PROM1: variants seen among roughly 807,000 people sequenced by gnomAD.
PROM1 encodes the protein prominin 1.
PROM1 carries 105 observed loss-of-function variants against 116.9 expected under a neutral mutation model. That is an observed-to-expected ratio of 0.90 (90% CI 0.77 to 1.06). PROM1 has a LOEUF of 1.06. Ranked by LOEUF, PROM1 falls within the 50% of genes least tolerant of loss-of-function variation. The pLI is 0.00. For synonymous variants in PROM1, 393 were observed against 387.0 expected, an observed-to-expected ratio of 1.02 and a Z score of -0.18; for missense variants, 1,122 against 1,045.2, an observed-to-expected ratio of 1.07 and a Z score of -1.01.
Position 16,056,651 on chromosome 4 carries a change from GA to G in PROM1, c.221-17651del, listed in dbSNP as rs572825806. On this transcript the variant is annotated intron_variant, in intron 2 of 27. Coordinates refer to ENST00000447510, the MANE Select transcript of PROM1 (RefSeq NM_006017.3). Reference sequence around the variant, plus strand: ...CAAAGGCTGGAAAGAAACAAGCCATGAAAAAAAAAAAATCGAAAGAAGAAAA... The same window carrying G: ...CAAAGGCTGGAAAGAAACAAGCCATGAAAAAAAAAAATCGAAAGAAGAAAA... 1.7e-3 allele frequency among the ~76,000 whole-genome samples: 240 copies of G among 140,054 alleles called. 1 individual carries two copies. The South Asian group carries it at 0.02, about 12-fold the overall frequency. The allele number at this position is 140,054 out of a possible 152,430, so 91.9% of individuals were successfully genotyped here.
intron 2 of PROM1, among the ~76,000 whole-genome samples, chr4:16,052,816 T>A (rs1738201251): frequency 6.6e-6 from 1 of 152,172 alleles, no homozygotes; most frequent in Non-Finnish European, 1.5e-5. Context: ...AACCTATGAA[T>A]GCTAAAAGCC....
intron 12 of PROM1, 33 bp downstream of exon 12, chr4:16,008,916 C>G (rs905336269): frequency 6.5e-7 from 1 of 1,530,282 alleles, no homozygotes; most frequent in Non-Finnish European, 9.0e-7. Context: ...AAAGTTCACT[C>G]TCGTAGTTCA....
chr4:15,997,800 A>G (rs1014934327), intron 15 of PROM1, among the ~76,000 whole-genome samples: 3 of 152,206 alleles, frequency 2.0e-5, no homozygotes, highest in Non-Finnish European at 4.4e-5. Context: ...ATTGTTTATC[A>G]AGTCCAAATG....
intron 2 of PROM1, among the ~76,000 whole-genome samples, chr4:16,060,671 C>T (rs551124439): frequency 2.6e-5 from 4 of 152,218 alleles, no homozygotes; most frequent in South Asian, 2.1e-4. Context: ...ATCTACCAAA[C>T]GAATGAATGA....
At chr4:16,036,889 G>C (rs1734057514) in intron 3 of PROM1, among the ~76,000 whole-genome samples, 1 of 152,206 alleles carries the variant, frequency 6.6e-6, no homozygotes, top group Admixed American at 6.5e-5. Flanking sequence ...TCCACATCTA[G>C]AGTAGGAATC....
intron 2 of PROM1, among the ~76,000 whole-genome samples, chr4:16,043,034 T>C (rs941784919): frequency 6.6e-6 from 1 of 152,272 alleles, no homozygotes; most frequent in African/African-American, 2.4e-5. Context: ...GGGTTTATTA[T>C]CGTTCTTTTT....
chr4:16,053,091 A>T (rs1350164860), intron 2 of PROM1, among the ~76,000 whole-genome samples: 2 of 152,232 alleles, frequency 1.3e-5, no homozygotes, highest in Non-Finnish European at 2.9e-5. Flanking sequence ...ACAATGCGAA[A>T]TGTCCTGCAT....
intron 2 of PROM1, among the ~76,000 whole-genome samples, chr4:16,057,198 C>T (rs949296470): frequency 3.3e-5 from 5 of 152,196 alleles, no homozygotes; most frequent in Admixed American, 1.3e-4. Context: ...AGATCTGGCA[C>T]ATAAAACTCA....
At chr4:16,006,968 C>T (rs865871038) in intron 12 of PROM1, among the ~76,000 whole-genome samples, 7 of 152,244 alleles carry the variant, frequency 4.6e-5, no homozygotes, top group African/African-American at 7.2e-5. Context: ...TTGATTCCCA[C>T]GGGTGTCACA....
Position 16,083,971 on chromosome 4 carries a change from TACTC to T in PROM1, c.-213+3_-213+6del, listed in dbSNP as rs1745524990. The T allele has an allele frequency of 1.3e-5, 2 of 152,246 alleles. No homozygotes were observed. Among genetic ancestry groups the T allele is most frequent in the African/African-American group, 2.4e-5 (1 of 41,444 alleles). The allele number at this position is 152,246 out of a possible 1,614,324, so 9.4% of individuals were successfully genotyped here. A position where few individuals can be genotyped will look rare whatever the true frequency, so the allele number is the denominator to read the frequency against. Reference sequence around the variant, plus strand: ...CGTAATGGAAAGGATTCCTTAAACATACTCACCGCGGCGGGAGAGCTGAGAGCAT... The same window carrying T: ...CGTAATGGAAAGGATTCCTTAAACATACCGCGGCGGGAGAGCTGAGAGCAT... On this transcript the variant is annotated splice_donor_5th_base_variant and intron_variant, in intron 1 of 27. Transcript: ENST00000447510.
In PROM1 at chr4:16,056,281, C is replaced by T. The variant is rs1197598775; in HGVS notation, c.221-17280G>A. Among the ~76,000 whole-genome samples the T allele has an allele frequency of 2.6e-5, 4 of 152,072 alleles. No homozygotes were observed. The East Asian group carries it at 7.7e-4, about 29-fold the overall frequency. On this transcript the variant is annotated intron_variant, in intron 2 of 27. Transcript: ENST00000447510. ...ATTTAGGATTCCACCAAACAACAAC[C>T]ATGGTGGCAGAGGAGGGCAAGAGGA...
At chr4:15,995,471 C>T (rs916636759) in intron 15 of PROM1, among the ~76,000 whole-genome samples, 5 of 152,104 alleles carry the variant, frequency 3.3e-5, no homozygotes, top group East Asian at 1.9e-4. Context: ...ACAAAGCCTA[C>T]GAGTAACATT....
At chr4:16,053,128 A>C (rs957440651) in intron 2 of PROM1, among the ~76,000 whole-genome samples, 1 of 152,256 alleles carries the variant, frequency 6.6e-6, no homozygotes, top group African/African-American at 2.4e-5. Flanking sequence ...GTTATGTAAG[A>C]AAATGACCTG....
At chr4:16,019,758 G>A (rs926146509) in intron 8 of PROM1, among the ~76,000 whole-genome samples, 2 of 152,128 alleles carry the variant, frequency 1.3e-5, no homozygotes, top group African/African-American at 4.8e-5. Context: ...AACAGATGGT[G>A]GAGGATCAAG....
chr4:16,079,733 A>G (rs1744648822), intron 1 of PROM1, among the ~76,000 whole-genome samples: 1 of 152,158 alleles, frequency 6.6e-6, no homozygotes, highest in Admixed American at 6.6e-5. Flanking sequence ...ACAAAGTTTG[A>G]GAACAGTTCT....
chr4:16,066,721 T>C (rs1741622641), intron 2 of PROM1, among the ~76,000 whole-genome samples: 1 of 152,230 alleles, frequency 6.6e-6, no homozygotes, highest in Non-Finnish European at 1.5e-5. Context: ...ACAAATGCTA[T>C]TTAATACCAT....
chr4:15,971,390 A>G (rs2148974294), intron 26 of PROM1: 1 of 294,794 alleles, frequency 3.4e-6, no homozygotes, highest in South Asian at 7.0e-5. Flanking sequence ...AAGACATTAG[A>G]CCAGCAGCAA....
chr4:15,993,998 T>A lies in PROM1; in HGVS notation c.1756A>T (p.Asn586Tyr), dbSNP rs763905812. 9.9e-6 allele frequency: 16 copies of A among 1,613,684 alleles called. No homozygotes were observed. The South Asian group carries it at 1.8e-4, about 18-fold the overall frequency. The change falls in exon 16 of 28, where the codon AAC (asparagine) becomes TAC (tyrosine). Residue 586 changes from asparagine to tyrosine, a missense_variant. Physicochemically the swap from Asn to Tyr is moderately radical, Grantham distance 143 (BLOSUM62 -2). Coordinates refer to ENST00000447510, the MANE Select transcript of PROM1 (RefSeq NM_006017.3). ...CGAGTTCTAATTACCTCATTAATGT[T>A]GAGATGTTCACTGATATTGAAGCTG... ...QNSFNISEHL[N>Y]INEHTGSISS...
chr4:16,082,806 C>A (rs897721327), intron 1 of PROM1, among the ~76,000 whole-genome samples: 5 of 152,114 alleles, frequency 3.3e-5, no homozygotes, highest in Non-Finnish European at 5.9e-5. Context: ...CGATCCGACT[C>A]CCTGCCCCTC....
Sources: allele counts gnomAD v4.1 joint callset (sites outside exome capture counted in the v4.1 genomes callset), GRCh38; gene constraint gnomAD v4.1.1; transcripts MANE v1.5; gene names NCBI Gene and HGNC (gene_info 2026-07-23, HGNC 2026-07-21).